The following PPARGC1B variants were observed in gnomAD, a reference collection of about 807,000 sequenced individuals.
PPARGC1B encodes PPARG coactivator 1 beta.
Under a neutral mutation model 101.6 loss-of-function variants are expected in PPARGC1B, and 34 were observed. The ratio of observed to expected loss-of-function variants is 0.33; its 90% CI spans 0.25 to 0.45. PPARGC1B has a LOEUF of 0.45. Ranked by LOEUF, PPARGC1B falls within the 20% of genes least tolerant of loss-of-function variation. The probability of loss-of-function intolerance (pLI) is 1.00; values close to 1 mark genes in which losing one functional copy is unlikely to be tolerated. For synonymous variants in PPARGC1B, 548 were observed against 539.3 expected (o/e 1.02, Z -0.22); for missense variants, 1,234 against 1,317.6 (o/e 0.94, Z 0.98).
intron 10 of PPARGC1B, among the ~76,000 whole-genome samples, chr5:149,843,126 C>T (rs1479626958): frequency 6.6e-6 from 1 of 152,100 alleles, no homozygotes; most frequent in Non-Finnish European, 1.5e-5. Context: ...CGAGATGGCG[C>T]CACTGCACTC....
At chr5:149,827,095 G>GCT (rs1296455444) in intron 3 of PPARGC1B, among the ~76,000 whole-genome samples, 1 of 152,250 alleles carries the variant, frequency 6.6e-6, no homozygotes, top group Non-Finnish European at 1.5e-5. Flanking sequence ...AACGACAGAG[G>GCT]CTTCACCTGC....
chr5:149,827,068 A>G (rs537193978), intron 3 of PPARGC1B, among the ~76,000 whole-genome samples, 183 bp downstream of exon 3: 63 of 152,334 alleles, frequency 4.1e-4, no homozygotes, highest in African/African-American at 1.5e-3. Context: ...AACCTTTCCC[A>G]CCTAGACAGA....
intron 10 of PPARGC1B, among the ~76,000 whole-genome samples, chr5:149,844,783 T>A (rs1310316286): frequency 2.0e-5 from 3 of 152,252 alleles, no homozygotes; most frequent in African/African-American, 7.2e-5. Context: ...AATGCCACTT[T>A]GTCTCTGCCT....
rs776810972 is a variant in PPARGC1B, at chr5:149,833,449, G to A, written c.1376G>A (p.Gly459Asp). 7.6e-6 allele frequency: 12 copies of A among 1,575,106 alleles called. No homozygotes were observed. The highest frequency in any genetic ancestry group is 1.0e-5 in the Non-Finnish European group (12 of 1,160,412). Reference protein sequence around the residue: ...EEWGRKRPGRGLPWTKLGRKL... With the variant: ...EEWGRKRPGRDLPWTKLGRKL... ...TGGGGCAGGAAAAGGCCAGGCCGAG[G>A]CCTGCCATGGACGAAGCTGGGGAGG... Residue 459 changes from glycine to aspartate, a missense_variant, in exon 5 of 12, where the codon GGC becomes GAC. Physicochemically the swap from Gly to Asp is moderately conservative, Grantham distance 94. Around this residue, in one of 3 missense-constraint regions of PPARGC1B, gnomAD observed 734 missense variants for 768.4 expected, o/e 0.96. Coordinates refer to ENST00000309241, the MANE Select transcript of PPARGC1B (RefSeq NM_133263.4). The surrounding 1 kb of genome is among the most constrained non-coding windows in gnomAD (Gnocchi z 4.1).
chr5:149,838,570 A>G (rs1759205885), intron 8 of PPARGC1B, among the ~76,000 whole-genome samples: 3 of 152,204 alleles, frequency 2.0e-5, no homozygotes, highest in Middle Eastern at 3.2e-3. Flanking sequence ...ATGTTGAAAT[A>G]CATCCCCCAA....
intron 1 of PPARGC1B, among the ~76,000 whole-genome samples, chr5:149,742,581 C>A (rs934406849): frequency 2.6e-5 from 4 of 152,092 alleles, no homozygotes; most frequent in African/African-American, 9.7e-5. Flanking sequence ...TATTATTATT[C>A]ATAACAGTAA....
At chr5:149,830,534 T>C (rs1028097531) in intron 3 of PPARGC1B, among the ~76,000 whole-genome samples, 2 of 152,222 alleles carry the variant, frequency 1.3e-5, no homozygotes, top group African/African-American at 2.4e-5. Context: ...GGTTATTAAC[T>C]CTGAAAAGGA....
intron 1 of PPARGC1B, among the ~76,000 whole-genome samples, chr5:149,807,226 C>T (rs965818775): frequency 2.0e-5 from 3 of 151,912 alleles, no homozygotes; most frequent in African/African-American, 7.3e-5. Flanking sequence ...TAAGTCCATT[C>T]ACCATGTCAT....
At position 149,836,387 on chromosome 5, in the gene PPARGC1B, C is replaced by T; in HGVS notation, c.1932C>T (p.Leu644=). ...TCCCCTCCCCTGAGGGCCTCTCACTCAAGGCCACCCCAGGGGCTGCCCACA... is the reference window on the plus strand; with the variant it reads ...TCCCCTCCCCTGAGGGCCTCTCACTTAAGGCCACCCCAGGGGCTGCCCACA... ...LSLPSPEGLS[L]KATPGAAHKL... is the part of the protein sequence containing the mutation. Residue 644 remains leucine, a synonymous_variant, in exon 8 of 12, where the codon CTC becomes CTT. Coordinates refer to ENST00000309241, the MANE Select transcript of PPARGC1B (RefSeq NM_133263.4). 2 of 1,614,142 alleles carry T rather than the reference C, an allele frequency of 1.2e-6. No individual in the cohort carries two copies. The highest frequency in any genetic ancestry group is 2.2e-5 in the East Asian group (1 of 44,860).
At chr5:149,773,848 C>T (rs890122039) in intron 1 of PPARGC1B, among the ~76,000 whole-genome samples, 12 of 151,980 alleles carry the variant, frequency 7.9e-5, no homozygotes, top group East Asian at 1.9e-4. Flanking sequence ...GGCTGCCCAG[C>T]GTGTTGGTGA....
At chr5:149,767,089 G>A (rs1044401539) in intron 1 of PPARGC1B, among the ~76,000 whole-genome samples, 11 of 152,216 alleles carry the variant, frequency 7.2e-5, no homozygotes, top group Non-Finnish European at 2.9e-5. Flanking sequence ...CATGCCAGGG[G>A]AGGAAGTCTT....
intron 1 of PPARGC1B, among the ~76,000 whole-genome samples, chr5:149,735,953 G>A (rs1754691738): frequency 1.3e-5 from 2 of 152,146 alleles, no homozygotes; most frequent in Non-Finnish European, 2.9e-5. Context: ...GTGAAACCCC[G>A]TCTCTACTAA....
intron 2 of PPARGC1B, 70 bp downstream of exon 2, chr5:149,820,676 C>G (rs746947769): frequency 7.0e-7 from 1 of 1,437,930 alleles, no homozygotes; most frequent in Non-Finnish European, 9.5e-7. Flanking sequence ...CCGGCTCTGC[C>G]CTGCTCTGCC....
At position 149,832,033 on chromosome 5, in the gene PPARGC1B, G is replaced by A. The variant is rs751483902; in HGVS notation, c.583-623G>A. Among the ~76,000 whole-genome samples the A allele has an allele frequency of 3.3e-5, 5 of 152,106 alleles. No individual in the cohort carries two copies. Among genetic ancestry groups the A allele is most frequent in the African/African-American group, 4.8e-5 (2 of 41,426 alleles). ...AACATATCCATCATTCAGGCTGGTC[G>A]CGGTGGCTCACGCCTGTAATCCCAG... On this transcript the variant is annotated intron_variant, in intron 4 of 11. Transcript: ENST00000309241. This position sits in a 1 kb window ranked among gnomAD's most constrained non-coding sequence, Gnocchi z 4.9.
intron 1 of PPARGC1B, among the ~76,000 whole-genome samples, chr5:149,749,207 A>G (rs7725966): frequency 0.021 from 3,200 of 152,292 alleles, 98 homozygotes; most frequent in African/African-American, 0.072. Flanking sequence ...TGCCATCATA[A>G]TGATTATTAC....
intron 10 of PPARGC1B, among the ~76,000 whole-genome samples, chr5:149,842,736 T>C (rs1561634825): frequency 6.6e-6 from 1 of 152,226 alleles, no homozygotes; most frequent in African/African-American, 2.4e-5. Flanking sequence ...CCGGAGCCCA[T>C]GTGTCTGCTT....
At chr5:149,802,094 A>G (rs1757448791) in intron 1 of PPARGC1B, among the ~76,000 whole-genome samples, 1 of 152,054 alleles carries the variant, frequency 6.6e-6, no homozygotes, top group Non-Finnish European at 1.5e-5. Context: ...TCCTCTGGAT[A>G]AGTGTTCTCC....
intron 1 of PPARGC1B, among the ~76,000 whole-genome samples, chr5:149,765,116 G>C (rs1034043610): frequency 6.6e-6 from 1 of 152,190 alleles, no homozygotes; most frequent in Non-Finnish European, 1.5e-5. Context: ...CAGAGAAAGA[G>C]GGAGGGACCC....
At chr5:149,840,585 T>C (rs1189098083) in intron 9 of PPARGC1B, among the ~76,000 whole-genome samples, 5 of 152,120 alleles carry the variant, frequency 3.3e-5, no homozygotes, top group African/African-American at 7.2e-5. Flanking sequence ...TTCCCCAACT[T>C]GATCAGTGCC....
Sources: gnomAD v4.1 joint callset for allele counts (sites outside exome capture counted in the v4.1 genomes callset) on GRCh38, gnomAD v4.1.1 for gene constraint, gnomAD v4.1.1 regional missense constraint, Gnocchi (gnomAD v3.1) non-coding constraint, MANE v1.5 for transcripts, NCBI Gene and HGNC (gene_info 2026-07-23, HGNC 2026-07-21) for gene names.